The following ARK2C variants were observed in gnomAD, a reference collection of about 807,000 sequenced individuals.
The protein encoded by ARK2C is E3 ubiquitin-protein ligase ARK2C.
the ARK2C span, chr18:46,462,004 T>G: frequency 0.2 from 30,404 of 152,266 alleles, 3,736 homozygotes; most frequent in Non-Finnish European, 0.28. Flanking sequence ...ATTGTTGAGA[T>G]GCTGCCCATG....
At chr18:46,336,798 G>T in the ARK2C span, 7 of 985,378 alleles carry the variant, frequency 7.1e-6, no homozygotes, top group Non-Finnish European at 8.4e-6. Context: ...AGTTATCTGG[G>T]TGACTATCAG....
the ARK2C span, among the ~76,000 whole-genome samples, chr18:46,421,719 A>G: frequency 8.5e-5 from 13 of 152,158 alleles, no homozygotes; most frequent in Non-Finnish European, 1.6e-4. Flanking sequence ...GGAGCTAAAT[A>G]CTGGCCCTTT....
chr18:46,385,212 T>A, the ARK2C span, among the ~76,000 whole-genome samples: 2 of 152,190 alleles, frequency 1.3e-5, no homozygotes, highest in Non-Finnish European at 2.9e-5. Context: ...GCCAGGGGAA[T>A]CTTGTCCTGC....
At chr18:46,338,546 G>A in the ARK2C span, among the ~76,000 whole-genome samples, 1 of 152,188 alleles carries the variant, frequency 6.6e-6, no homozygotes, top group Non-Finnish European at 1.5e-5. Context: ...GGGGAAGGGG[G>A]AAGGGGAAAT....
At chr18:46,342,638 T>C in the ARK2C span, among the ~76,000 whole-genome samples, 1 of 152,224 alleles carries the variant, frequency 6.6e-6, no homozygotes, top group Non-Finnish European at 1.5e-5. Flanking sequence ...GTGGAGTCTG[T>C]ACCCTGATTT....
At chr18:46,384,639 G>C in the ARK2C span, among the ~76,000 whole-genome samples, 1 of 152,150 alleles carries the variant, frequency 6.6e-6, no homozygotes, top group Non-Finnish European at 1.5e-5. Context: ...CCTCCCAACA[G>C]AGAGGGGACT....
the ARK2C span, among the ~76,000 whole-genome samples, chr18:46,342,900 G>T: frequency 1.3e-5 from 2 of 152,128 alleles, no homozygotes; most frequent in Non-Finnish European, 2.9e-5. Flanking sequence ...TTGTTTTTTG[G>T]GGGGGAGTGG....
At chr18:46,379,447 C>T in the ARK2C span, among the ~76,000 whole-genome samples, 2 of 152,218 alleles carry the variant, frequency 1.3e-5, no homozygotes, top group African/African-American at 2.4e-5. Flanking sequence ...CACCTTCCCT[C>T]CCCGAGTCCA....
the ARK2C span, chr18:46,385,718 G>A: frequency 6.6e-6 from 1 of 152,258 alleles, no homozygotes; most frequent in East Asian, 1.9e-4. Flanking sequence ...CCCCTCCCCA[G>A]CCTCTTGCTC....
chr18:46,431,631 T>C, the ARK2C span, among the ~76,000 whole-genome samples: 1 of 137,650 alleles, frequency 7.3e-6, no homozygotes, highest in Non-Finnish European at 1.7e-5. Context: ...CACTTAATCC[T>C]GCTGTGTTTG....
chr18:46,426,678 G>A, the ARK2C span, among the ~76,000 whole-genome samples: 1 of 152,212 alleles, frequency 6.6e-6, no homozygotes, highest in African/African-American at 2.4e-5. Flanking sequence ...AAATGAATGT[G>A]TGTCTTACCA....
At chr18:46,391,701 A>G in the ARK2C span, among the ~76,000 whole-genome samples, 4 of 151,756 alleles carry the variant, frequency 2.6e-5, no homozygotes, top group African/African-American at 4.8e-5. Context: ...GGACATGTCA[A>G]TCTCCAGTCA....
chr18:46,460,479 T>C, the ARK2C span: 1 of 152,558 alleles, frequency 6.6e-6, no homozygotes, highest in Admixed American at 6.5e-5. Context: ...GACTAACTTG[T>C]AGATATCGTG....
At chr18:46,421,161 A>G in the ARK2C span, among the ~76,000 whole-genome samples, 1 of 152,220 alleles carries the variant, frequency 6.6e-6, no homozygotes, top group African/African-American at 2.4e-5. Context: ...CTGGGCCCCT[A>G]TACTCATTGC....
the ARK2C span, among the ~76,000 whole-genome samples, chr18:46,395,292 A>G: frequency 8.3e-3 from 1,267 of 152,332 alleles, 15 homozygotes; most frequent in African/African-American, 0.028. Context: ...CCATAGTGCC[A>G]GGGACTGGCC....
chr18:46,392,011 C>A, the ARK2C span, among the ~76,000 whole-genome samples: 1,224 of 151,644 alleles, frequency 8.1e-3, 17 homozygotes, highest in African/African-American at 0.028. Context: ...CATATGCACA[C>A]AACACACACA....
At chr18:46,338,607 TA>T in the ARK2C span, among the ~76,000 whole-genome samples, 1 of 152,090 alleles carries the variant, frequency 6.6e-6, no homozygotes, top group African/African-American at 2.4e-5. Context: ...AAAGAACCCT[TA>T]AAATATCTTT....
the ARK2C span, chr18:46,334,270 C>A: frequency 6.5e-7 from 1 of 1,527,718 alleles, no homozygotes. The surrounding 1 kb of genome is among the most constrained non-coding windows in gnomAD (Gnocchi z 4.4). Context: ...GCGCGAGGAG[C>A]CAGGATGGTC....
the ARK2C span, among the ~76,000 whole-genome samples, chr18:46,421,620 T>G: frequency 1.1e-4 from 17 of 152,362 alleles, no homozygotes; most frequent in African/African-American, 3.6e-4. Flanking sequence ...TGTCCCATTA[T>G]GCACAGAGGT....
Sources: gnomAD v4.1 joint callset for allele counts (sites outside exome capture counted in the v4.1 genomes callset) on GRCh38, gnomAD v4.1.1 for gene constraint, Gnocchi (gnomAD v3.1) non-coding constraint, MANE v1.5 for transcripts, NCBI Gene and HGNC (gene_info 2026-07-23, HGNC 2026-07-21) for gene names.